Variants in ZNRF3 observed in about 807,000 individuals in gnomAD.
The protein encoded by ZNRF3 is zinc and ring finger 3.
Under a neutral mutation model 72.5 loss-of-function variants are expected in ZNRF3, and 23 were observed. That is an observed-to-expected ratio of 0.32 (90% CI 0.23 to 0.45). ZNRF3 has a LOEUF of 0.45. Ranked by LOEUF, ZNRF3 falls within the 20% of genes least tolerant of loss-of-function variation. The pLI, the probability that ZNRF3 is intolerant of heterozygous loss-of-function variation, is 1.00. For missense variants in ZNRF3, 1,169 were observed against 1,272.1 expected, an observed-to-expected ratio of 0.92 and a Z score of 1.23; for synonymous variants, 610 against 545.3, an observed-to-expected ratio of 1.12 and a Z score of -1.65.
intron 1 of ZNRF3, among the ~76,000 whole-genome samples, chr22:28,974,440 C>T (rs2035633951): frequency 6.6e-6 from 1 of 152,170 alleles, no homozygotes; most frequent in Non-Finnish European, 1.5e-5. Context: ...CCCGATTAAA[C>T]AACATTACAG....
At chr22:28,967,033 C>T (rs1051487805) in intron 1 of ZNRF3, among the ~76,000 whole-genome samples, 1 of 151,932 alleles carries the variant, frequency 6.6e-6, no homozygotes, top group Non-Finnish European at 1.5e-5. Context: ...GTGCCTGTCA[C>T]CACGCCCATC....
chr22:28,933,725 C>T (rs1271743043), intron 1 of ZNRF3, among the ~76,000 whole-genome samples: 1 of 47,090 alleles, frequency 2.1e-5, no homozygotes. Flanking sequence ...CCCACCCCAC[C>T]CCCCCCACAC....
At chr22:28,904,199 G>C (rs1320713470) in intron 1 of ZNRF3, among the ~76,000 whole-genome samples, 1 of 152,170 alleles carries the variant, frequency 6.6e-6, no homozygotes, top group Non-Finnish European at 1.5e-5. Context: ...GACCTGGTGG[G>C]ATTGATCAGC....
chr22:28,920,220 C>T (rs2034486086), intron 1 of ZNRF3, among the ~76,000 whole-genome samples: 1 of 151,784 alleles, frequency 6.6e-6, no homozygotes, highest in African/African-American at 2.4e-5. Flanking sequence ...CCCACCTCCC[C>T]CTCCCAAAGT....
At position 29,056,043 on chromosome 22, in the gene ZNRF3, C is replaced by T. The variant is rs753735903; in HGVS notation, c.*2421C>T. The T allele has an allele frequency of 6.6e-6, 1 of 151,696 alleles. No individual in the cohort carries two copies. The highest frequency in any genetic ancestry group is 1.5e-5 in the Non-Finnish European group (1 of 68,004). 9.4% of individuals were successfully genotyped at this position (151,696 alleles called of 1,614,324 possible). ...AAAGAAACCCATTTAATTTTTGTAG[C>T]TTACAGGTGGTAGAAACAAAAATGC... On this transcript the variant is annotated 3_prime_UTR_variant, in exon 9 of 9. Transcript: ENST00000544604.
At chr22:29,027,336 C>A (rs1189778559) in intron 2 of ZNRF3, among the ~76,000 whole-genome samples, 1 of 152,156 alleles carries the variant, frequency 6.6e-6, no homozygotes, top group Admixed American at 6.5e-5. Context: ...GCAACCTCCG[C>A]CTCCCGGGTT....
intron 1 of ZNRF3, among the ~76,000 whole-genome samples, chr22:28,892,465 C>G (rs2033908146): frequency 6.6e-6 from 1 of 152,198 alleles, no homozygotes; most frequent in Non-Finnish European, 1.5e-5. Flanking sequence ...TTTTACCTAC[C>G]TTTGAGGTTA....
intron 1 of ZNRF3, among the ~76,000 whole-genome samples, chr22:28,933,435 T>G (rs2034749107): frequency 1.3e-5 from 2 of 152,224 alleles, no homozygotes; most frequent in South Asian, 4.1e-4. Context: ...TTGAGTCTCC[T>G]GGTGCTCATG....
intron 2 of ZNRF3, among the ~76,000 whole-genome samples, chr22:29,015,101 A>G (rs2036410065): frequency 6.6e-6 from 1 of 151,898 alleles, no homozygotes; most frequent in African/African-American, 2.4e-5. Flanking sequence ...GCTAAGAAAT[A>G]AAATGAAGGC....
chr22:28,993,004 T>C (rs1057232143), intron 2 of ZNRF3: 2 of 152,226 alleles, frequency 1.3e-5, no homozygotes, highest in African/African-American at 4.8e-5. Flanking sequence ...GGGAGCAAGA[T>C]GTTCTTCAAG....
At chr22:28,980,288 GTGAT>G (rs1300250288) in intron 1 of ZNRF3, among the ~76,000 whole-genome samples, 7 of 152,166 alleles carry the variant, frequency 4.6e-5, no homozygotes, top group Non-Finnish European at 1.0e-4. Context: ...CATTATTCAG[GTGAT>G]AGATACACTA....
chr22:28,884,108 A>C (rs2033719897), intron 1 of ZNRF3, 42 bp downstream of exon 1: 2 of 1,134,500 alleles, frequency 1.8e-6, no homozygotes, highest in Non-Finnish European at 2.2e-6. Flanking sequence ...CTCCGCCACA[A>C]GATGGCTCCG....
At chr22:28,931,023 G>A (rs2034696039) in intron 1 of ZNRF3, among the ~76,000 whole-genome samples, 1 of 152,200 alleles carries the variant, frequency 6.6e-6, no homozygotes, top group African/African-American at 2.4e-5. Context: ...GGCAGCCAAG[G>A]TTCTCATTAC....
intron 2 of ZNRF3, among the ~76,000 whole-genome samples, chr22:29,038,046 T>C (rs1362085264): frequency 2.0e-5 from 3 of 152,176 alleles, no homozygotes; most frequent in Non-Finnish European, 2.9e-5. Context: ...CATCCAACCA[T>C]ATCCACCAGG....
In ZNRF3 at chr22:28,883,595, T is replaced by G. The variant is rs2033706240; in HGVS notation, c.-172T>G. Reference sequence around the variant, plus strand: ...GGGATAACCCCTCACGTGGAGCAGATGAAAGGGCCGCGGCGCGACGGCCGG... The same window carrying G: ...GGGATAACCCCTCACGTGGAGCAGAGGAAAGGGCCGCGGCGCGACGGCCGG... On this transcript the variant is annotated 5_prime_UTR_variant, in exon 1 of 9. An upstream start codon of the reference 5' UTR is lost. Transcript: ENST00000544604. This position sits in a 1 kb window ranked among gnomAD's most constrained non-coding sequence, Gnocchi z 5.5. 3.3e-6 allele frequency: 2 copies of G among 607,120 alleles called. No homozygotes were observed. The highest frequency in any genetic ancestry group is 4.1e-6 in the Non-Finnish European group (2 of 485,178). The allele number at this position is 607,120 out of a possible 1,614,324, so 37.6% of individuals were successfully genotyped here.
intron 2 of ZNRF3, among the ~76,000 whole-genome samples, chr22:29,005,527 G>A (rs2036226152): frequency 6.6e-6 from 1 of 152,196 alleles, no homozygotes; most frequent in Admixed American, 6.5e-5. Flanking sequence ...GAAGACCCAT[G>A]TCTTTTGGGT....
chr22:28,957,823 T>A (rs1222241071), intron 1 of ZNRF3, among the ~76,000 whole-genome samples: 1 of 152,024 alleles, frequency 6.6e-6, no homozygotes, highest in Non-Finnish European at 1.5e-5. Flanking sequence ...GGGTGGGAAA[T>A]AAATGTTGTG....
intron 1 of ZNRF3, among the ~76,000 whole-genome samples, chr22:28,895,747 A>G (rs2033982021): frequency 6.6e-6 from 1 of 151,944 alleles, no homozygotes; most frequent in South Asian, 2.1e-4. Context: ...CTTTGGTCTT[A>G]AGAGCTGGGA....
At chr22:28,901,323 G>A (rs2034099641) in intron 1 of ZNRF3, among the ~76,000 whole-genome samples, 1 of 152,040 alleles carries the variant, frequency 6.6e-6, no homozygotes, top group African/African-American at 2.4e-5. Context: ...TAAGGCCAAC[G>A]CCCAGAAGGC....
Sources: allele counts gnomAD v4.1 joint callset (sites outside exome capture counted in the v4.1 genomes callset), GRCh38; gene constraint gnomAD v4.1.1; non-coding constraint Gnocchi (gnomAD v3.1); transcripts MANE v1.5; gene names NCBI Gene and HGNC (gene_info 2026-07-23, HGNC 2026-07-21).